Variants in ADGRL3 observed in about 807,000 individuals in gnomAD.
The protein encoded by ADGRL3 is adhesion G protein-coupled receptor L3, also known as calcium-independent alpha-latrotoxin receptor 3.
ADGRL3 carries 62 observed loss-of-function variants against 153.5 expected under a neutral mutation model. The observed-to-expected ratio is 0.40, with a 90% confidence interval of 0.33 to 0.50. The LOEUF is 0.50. ADGRL3 is among the 20% of genes least tolerant of loss of function. The pLI is 0.47. For missense variants in ADGRL3, 1,641 were observed against 1,859.4 expected, an observed-to-expected ratio of 0.88 and a Z score of 2.16; for synonymous variants, 710 against 672.5, an observed-to-expected ratio of 1.06 and a Z score of -0.86.
At chr4:61,736,860 A>G (rs1403728248) in intron 8 of ADGRL3, among the ~76,000 whole-genome samples, 1 of 152,226 alleles carries the variant, frequency 6.6e-6, no homozygotes, top group Non-Finnish European at 1.5e-5. Context: ...ACAAAAAACT[A>G]TCAATTTTCA....
At chr4:61,584,389 C>A (rs1008928187) in intron 4 of ADGRL3, among the ~76,000 whole-genome samples, 1 of 151,896 alleles carries the variant, frequency 6.6e-6, no homozygotes, top group South Asian at 2.1e-4. Flanking sequence ...AAAATTTGGA[C>A]CCCGACATTT....
chr4:61,297,835 C>CCACCACCATCATCACCAT (rs1343969736), intron 1 of ADGRL3, among the ~76,000 whole-genome samples: 2 of 152,124 alleles, frequency 1.3e-5, no homozygotes, highest in African/African-American at 4.8e-5. Flanking sequence ...GCCACCACCA[C>CCACCACCATCATCACCAT]CACCACCATC....
intron 4 of ADGRL3, among the ~76,000 whole-genome samples, chr4:61,537,656 A>G (rs1047089258): frequency 6.6e-6 from 1 of 152,074 alleles, no homozygotes; most frequent in Non-Finnish European, 1.5e-5. Context: ...GGTCTAATCT[A>G]TCATCTAGGC....
chr4:61,275,365 C>A (rs905930232), intron 1 of ADGRL3, among the ~76,000 whole-genome samples: 1 of 152,064 alleles, frequency 6.6e-6, no homozygotes. Flanking sequence ...CAAAAGTTAC[C>A]ATTTAATGAT....
At chr4:61,410,369 C>T (rs992128209) in intron 2 of ADGRL3, among the ~76,000 whole-genome samples, 10 of 151,748 alleles carry the variant, frequency 6.6e-5, no homozygotes, top group South Asian at 4.2e-4. Flanking sequence ...TTTTCTTTTT[C>T]TCTCTTTACT....
intron 9 of ADGRL3, among the ~76,000 whole-genome samples, chr4:61,840,396 C>A (rs2098012158): frequency 1.3e-5 from 2 of 152,148 alleles, no homozygotes; most frequent in Admixed American, 1.3e-4. Context: ...TCTCATTTAA[C>A]TTTCACAAAT....
chr4:61,431,459 G>A (rs1024030859), intron 2 of ADGRL3, among the ~76,000 whole-genome samples: 3 of 152,194 alleles, frequency 2.0e-5, no homozygotes, highest in African/African-American at 4.8e-5. Context: ...CTTTTAAAGA[G>A]TGATCAGTTC....
chr4:61,998,373 G>A (rs1201962228), intron 21 of ADGRL3, 108 bp downstream of exon 21: 6 of 499,942 alleles, frequency 1.2e-5, no homozygotes, highest in African/African-American at 2.0e-5. Flanking sequence ...GAATATGGGT[G>A]TATTGTCTTT....
At chr4:61,257,144 C>T (rs1367464413) in intron 1 of ADGRL3, among the ~76,000 whole-genome samples, 6 of 152,098 alleles carry the variant, frequency 3.9e-5, no homozygotes, top group African/African-American at 1.4e-4. Context: ...GATTTTATTT[C>T]ACCTTCCAAT....
chr4:61,649,415 C>T (rs181952599), intron 5 of ADGRL3, among the ~76,000 whole-genome samples: 5 of 152,112 alleles, frequency 3.3e-5, no homozygotes, highest in Middle Eastern at 3.4e-3. Flanking sequence ...AGAACCTGTT[C>T]GCCTATTGCT....
At chr4:61,545,815 T>C (rs1348409239) in intron 4 of ADGRL3, among the ~76,000 whole-genome samples, 1 of 152,134 alleles carries the variant, frequency 6.6e-6, no homozygotes, top group Non-Finnish European at 1.5e-5. Context: ...GCGCGGGGCC[T>C]CTGTGTCTTT....
At chr4:61,469,850 C>G (rs908617135) in intron 2 of ADGRL3, among the ~76,000 whole-genome samples, 3 of 151,616 alleles carry the variant, frequency 2.0e-5, no homozygotes, top group Non-Finnish European at 2.9e-5. Flanking sequence ...AAACTCTATA[C>G]GCATATGAAG....
At chr4:61,689,034 T>C (rs1425282396) in intron 6 of ADGRL3, among the ~76,000 whole-genome samples, 1 of 152,194 alleles carries the variant, frequency 6.6e-6, no homozygotes, top group East Asian at 1.9e-4. Flanking sequence ...GAATAATGGC[T>C]CACTGTAGCA....
At chr4:61,745,356 G>A (rs1044356128) in intron 8 of ADGRL3, among the ~76,000 whole-genome samples, 4 of 152,038 alleles carry the variant, frequency 2.6e-5, no homozygotes, top group African/African-American at 7.3e-5. Flanking sequence ...GAAATACAGA[G>A]AATGCCACAA....
chr4:62,060,702 T>G (rs1304871787), intron 25 of ADGRL3, among the ~76,000 whole-genome samples: 1 of 151,892 alleles, frequency 6.6e-6, no homozygotes, highest in Non-Finnish European at 1.5e-5. Flanking sequence ...ACAATATAAA[T>G]GTTTAAGATG....
intron 1 of ADGRL3, among the ~76,000 whole-genome samples, chr4:61,369,654 G>T (rs973320438): frequency 2.6e-5 from 4 of 152,132 alleles, no homozygotes; most frequent in African/African-American, 9.7e-5. Context: ...GAGGATTTTT[G>T]CATCAATGTT....
At chr4:61,702,897 T>C (rs1361271853) in intron 6 of ADGRL3, among the ~76,000 whole-genome samples, 1 of 152,186 alleles carries the variant, frequency 6.6e-6, no homozygotes, top group African/African-American at 2.4e-5. Context: ...TTTCTTGATA[T>C]TCTAGTTATA....
chr4:61,506,786 G>A (rs1192048678), intron 3 of ADGRL3, among the ~76,000 whole-genome samples: 4 of 152,002 alleles, frequency 2.6e-5, no homozygotes, highest in African/African-American at 4.8e-5. Context: ...TAAAAATAAC[G>A]TGCAAACATA....
chr4:62,068,073 T>C, intron 25 of ADGRL3, 93 bp from the exon 26 acceptor site: 1 of 751,258 alleles, frequency 1.3e-6, no homozygotes, highest in Non-Finnish European at 2.1e-6. Context: ...TTTTTCTGCA[T>C]ATCATCAATT....
Sources: gnomAD v4.1 joint callset for allele counts (sites outside exome capture counted in the v4.1 genomes callset) on GRCh38, gnomAD v4.1.1 for gene constraint, MANE v1.5 for transcripts, NCBI Gene and HGNC (gene_info 2026-07-23, HGNC 2026-07-21) for gene names.